BICD1: variants seen among roughly 807,000 people sequenced by gnomAD.
BICD1 encodes BICD cargo adaptor 1.
BICD1 carries 35 observed loss-of-function variants against 92.5 expected under a neutral mutation model. The observed-to-expected ratio is 0.38, with a 90% confidence interval of 0.29 to 0.50. The LOEUF (loss-of-function observed/expected upper bound fraction) is 0.50, where lower values mean the gene tolerates loss of function less well. Ranked by LOEUF, BICD1 falls within the 20% of genes least tolerant of loss-of-function variation. The pLI is 0.93. For synonymous variants in BICD1, 429 were observed against 465.1 expected, an observed-to-expected ratio of 0.92 and a Z score of 1.00; for missense variants, 950 against 1,189.8, an observed-to-expected ratio of 0.80 and a Z score of 2.97.
intron 1 of BICD1, among the ~76,000 whole-genome samples, chr12:32,122,173 G>T (rs919866873): frequency 1.3e-5 from 2 of 151,490 alleles, no homozygotes; most frequent in African/African-American, 4.9e-5. Context: ...AAGGCTGGGC[G>T]CGCTGGCTCA....
In BICD1 at chr12:32,217,206, T is replaced by G. The variant is rs541346353; in HGVS notation, c.426+747T>G. On this transcript the variant is annotated intron_variant, in intron 2 of 9. Transcript: ENST00000652176. The stretch of plus-strand genomic sequence containing the variant: ...GCTATATTCAATCATTCACTCCGTA[T>G]TTTGATATGAAAGCTATAGAAGAGA... Among the ~76,000 whole-genome samples, 5 of 152,330 alleles carry G rather than the reference T, an allele frequency of 3.3e-5. No individual in the cohort carries two copies. The East Asian group carries it at 5.8e-4, about 18-fold the overall frequency.
At chr12:32,123,535 T>G (rs1188767533) in intron 1 of BICD1, among the ~76,000 whole-genome samples, 1 of 152,196 alleles carries the variant, frequency 6.6e-6, no homozygotes, top group Non-Finnish European at 1.5e-5. Context: ...GTGGTTATGG[T>G]ATTGCACTGA....
chr12:32,340,851 A>G (rs1377298084), intron 8 of BICD1: 1 of 152,366 alleles, frequency 6.6e-6, no homozygotes, highest in African/African-American at 2.4e-5. Context: ...TATATTATAG[A>G]GCACTGCTGG....
At chr12:32,346,103 C>T (rs975478975) in intron 8 of BICD1, among the ~76,000 whole-genome samples, 3 of 151,696 alleles carry the variant, frequency 2.0e-5, no homozygotes. Context: ...GAGCCATGAT[C>T]GTGCAACTGC....
At position 32,294,007 on chromosome 12, in the gene BICD1, T is replaced by C. The variant is rs1266982815; in HGVS notation, c.440T>C (p.Val147Ala). ...CTGTTGTTTCAGAACAATGAGATGG[T>C]GGAGCTACAGAGAATACGGATGAAG... ...VQDLKENNEM[V>A]ELQRIRMKDE... Residue 147 changes from valine (V) to alanine (A), a missense_variant, in exon 3 of 10, where the codon GTG becomes GCG. Around this residue, in one of 5 missense-constraint regions of BICD1, gnomAD observed 202 missense variants for 205.3 expected, o/e 0.98. Transcript: ENST00000652176. The C allele has an allele frequency of 1.4e-5, 23 of 1,612,540 alleles. No individual in the cohort carries two copies. The highest frequency in any genetic ancestry group is 1.9e-5 in the Non-Finnish European group (23 of 1,179,692).
At chr12:32,206,427 G>A (rs920332124) in intron 1 of BICD1, among the ~76,000 whole-genome samples, 1 of 152,174 alleles carries the variant, frequency 6.6e-6, no homozygotes, top group Non-Finnish European at 1.5e-5. Flanking sequence ...CCAACAAGGT[G>A]AAACCTCATA....
At chr12:32,229,437 A>G (rs1731778352) in intron 2 of BICD1, among the ~76,000 whole-genome samples, 1 of 152,218 alleles carries the variant, frequency 6.6e-6, no homozygotes, top group African/African-American at 2.4e-5. Context: ...ACTAAAAAAT[A>G]GTAGTGAGGT....
intron 2 of BICD1, among the ~76,000 whole-genome samples, chr12:32,284,282 A>G (rs2136175467): frequency 6.6e-6 from 1 of 152,052 alleles, no homozygotes; most frequent in African/African-American, 2.4e-5. Context: ...GTTCTCCCTT[A>G]CTCCCCTCTA....
intron 2 of BICD1, among the ~76,000 whole-genome samples, 197 bp downstream of exon 2, chr12:32,216,656 T>G (rs1945371342): frequency 6.6e-6 from 1 of 152,250 alleles, no homozygotes; most frequent in Admixed American, 6.5e-5. Flanking sequence ...TTCTCTCTTT[T>G]ATTGTTTCTT....
At chr12:32,375,346 T>C (rs1272310262) in intron 9 of BICD1, among the ~76,000 whole-genome samples, 5 of 151,914 alleles carry the variant, frequency 3.3e-5, no homozygotes, top group African/African-American at 9.7e-5. Context: ...CTGGCCAAAA[T>C]GGTGAAAGTC....
At chr12:32,135,033 C>CTCCTCTCCTT (rs1942679040) in intron 1 of BICD1, among the ~76,000 whole-genome samples, 1 of 148,442 alleles carries the variant, frequency 6.7e-6, no homozygotes, top group South Asian at 2.2e-4. Flanking sequence ...CTCCTCTCCT[C>CTCCTCTCCTT]TCCTCTCCCC....
intron 1 of BICD1, among the ~76,000 whole-genome samples, chr12:32,130,445 C>T (rs893338420): frequency 2.6e-5 from 4 of 152,214 alleles, no homozygotes; most frequent in African/African-American, 9.6e-5. Flanking sequence ...CCTGCCTCAG[C>T]CTCCCAAAGT....
intron 1 of BICD1, among the ~76,000 whole-genome samples, chr12:32,208,927 G>A (rs1055163823): frequency 3.3e-5 from 5 of 151,926 alleles, no homozygotes; most frequent in African/African-American, 9.7e-5. Context: ...GGGTTCAAGC[G>A]ATTCTCCTGC....
At chr12:32,259,116 T>G (rs1228711718) in intron 2 of BICD1, among the ~76,000 whole-genome samples, 1 of 152,182 alleles carries the variant, frequency 6.6e-6, no homozygotes, top group Non-Finnish European at 1.5e-5. Flanking sequence ...ACCTCTTGCC[T>G]TCTTGGTCAC....
intron 2 of BICD1, among the ~76,000 whole-genome samples, chr12:32,230,896 A>G (rs1368310637): frequency 6.6e-6 from 1 of 152,192 alleles, no homozygotes; most frequent in Non-Finnish European, 1.5e-5. Context: ...CTGTCATCCC[A>G]TCTGCTCATA....
At chr12:32,193,370 A>G (rs1363121722) in intron 1 of BICD1, among the ~76,000 whole-genome samples, 1 of 152,232 alleles carries the variant, frequency 6.6e-6, no homozygotes, top group Non-Finnish European at 1.5e-5. Context: ...TGTTTTAGAC[A>G]TAATGGTATT....
chr12:32,165,018 G>C (rs1300989575), intron 1 of BICD1, among the ~76,000 whole-genome samples: 11 of 152,168 alleles, frequency 7.2e-5, no homozygotes, highest in Admixed American at 7.2e-4. Flanking sequence ...CTGAAGCACA[G>C]GGAGGTCTCT....
chr12:32,317,452 G>A (rs914998132), intron 4 of BICD1, among the ~76,000 whole-genome samples: 34 of 152,224 alleles, frequency 2.2e-4, no homozygotes, highest in African/African-American at 5.8e-4. Context: ...TTTCTCTGAC[G>A]GCCAGTGATG....
intron 2 of BICD1, among the ~76,000 whole-genome samples, chr12:32,230,368 C>T (rs912334618): frequency 6.6e-6 from 1 of 151,220 alleles, no homozygotes; most frequent in African/African-American, 2.4e-5. Flanking sequence ...CCACTGCACT[C>T]CAGTCTAGGC....
Sources: gnomAD v4.1 joint callset for allele counts (sites outside exome capture counted in the v4.1 genomes callset) on GRCh38, gnomAD v4.1.1 for gene constraint, gnomAD v4.1.1 regional missense constraint, MANE v1.5 for transcripts, NCBI Gene and HGNC (gene_info 2026-07-23, HGNC 2026-07-21) for gene names.